The following ZBTB20 variants were observed in gnomAD, a reference collection of about 807,000 sequenced individuals.
ZBTB20 encodes zinc finger and BTB domain-containing protein 20.
Under a neutral mutation model 56.9 loss-of-function variants are expected in ZBTB20, and 9 were observed. The ratio of observed to expected loss-of-function variants is 0.16; its 90% CI spans 0.10 to 0.28. ZBTB20 has a LOEUF of 0.28. ZBTB20 is among the 10% of genes least tolerant of loss of function. ZBTB20 has a pLI of 1.00. For synonymous variants in ZBTB20, 417 were observed against 420.7 expected, an observed-to-expected ratio of 0.99 and a Z score of 0.11; for missense variants, 655 against 1,003.0, an observed-to-expected ratio of 0.65 and a Z score of 4.69.
rs11426311 is a variant in ZBTB20, at chr3:115,084,285, C to CAA, written c.-702-12873_-702-12872dup. Among the ~76,000 whole-genome samples, 1,139 of 119,566 alleles carry CAA rather than the reference C, an allele frequency of 9.5e-3. 18 individuals carry two copies. Among genetic ancestry groups the CAA allele is most frequent in the East Asian group, 0.012 (51 of 4,152 alleles). 78.4% of individuals were successfully genotyped at this position (119,566 alleles called of 152,430 possible). On this transcript the variant is annotated intron_variant, in intron 1 of 11. Transcript: ENST00000675478. ...GCTTACCATACTGCATGAAGAGTGC[C>CAA]AAAAAAAAAAAAAAAAAGACTAGAG...
intron 11 of ZBTB20, among the ~76,000 whole-genome samples, chr3:114,342,267 G>A (rs1013572074): frequency 3.9e-5 from 6 of 152,120 alleles, no homozygotes; most frequent in Non-Finnish European, 5.9e-5. Flanking sequence ...AATGGTTTTA[G>A]ACATTATGCA....
intron 5 of ZBTB20, among the ~76,000 whole-genome samples, chr3:114,719,603 A>G (rs1384017348): frequency 6.6e-6 from 1 of 152,122 alleles, no homozygotes; most frequent in African/African-American, 2.4e-5. Context: ...CTGTCCATCA[A>G]TTCTCTCCCT....
intron 7 of ZBTB20, among the ~76,000 whole-genome samples, chr3:114,500,029 C>T (rs997610408): frequency 1.3e-5 from 2 of 152,164 alleles, no homozygotes; most frequent in Admixed American, 6.5e-5. Context: ...GGAGCAAAAG[C>T]CCAACTGTTG....
chr3:114,545,160 A>G (rs2049721732), intron 6 of ZBTB20, among the ~76,000 whole-genome samples: 1 of 152,188 alleles, frequency 6.6e-6, no homozygotes, highest in Admixed American at 6.5e-5. Context: ...AGTCTAGTCA[A>G]AAAGGAATAT....
chr3:114,772,875 C>A (rs1356852369), intron 5 of ZBTB20, among the ~76,000 whole-genome samples: 1 of 152,128 alleles, frequency 6.6e-6, no homozygotes, highest in African/African-American at 2.4e-5. Flanking sequence ...AGGTTGTTAA[C>A]ACTAAAACAG....
At chr3:115,142,574 G>C (rs946240155) in intron 1 of ZBTB20, among the ~76,000 whole-genome samples, 2 of 150,680 alleles carry the variant, frequency 1.3e-5, no homozygotes, top group African/African-American at 2.4e-5. Flanking sequence ...TGAGGCAGGA[G>C]AATTGCTTGA....
At chr3:114,831,664 TG>T (rs2073851313) in intron 4 of ZBTB20, among the ~76,000 whole-genome samples, 1 of 152,034 alleles carries the variant, frequency 6.6e-6, no homozygotes, top group Admixed American at 6.6e-5. Context: ...TTAACTGCCT[TG>T]GAAAAATATG....
chr3:114,589,594 C>T (rs1010575922), intron 6 of ZBTB20, among the ~76,000 whole-genome samples: 1 of 152,144 alleles, frequency 6.6e-6, no homozygotes, highest in Non-Finnish European at 1.5e-5. Flanking sequence ...GTGAAAGGGC[C>T]TTATAAATAA....
chr3:114,588,537 T>A (rs1287835482), intron 6 of ZBTB20, among the ~76,000 whole-genome samples: 2 of 152,148 alleles, frequency 1.3e-5, no homozygotes, highest in Admixed American at 1.3e-4. Flanking sequence ...TTATGTAAAA[T>A]TTTTTCTTAT....
intron 6 of ZBTB20, among the ~76,000 whole-genome samples, chr3:114,615,377 C>A (rs974046973): frequency 6.6e-6 from 1 of 152,092 alleles, no homozygotes; most frequent in Non-Finnish European, 1.5e-5. Context: ...TAATGCCTTA[C>A]TAAATACCAA....
Position 114,728,508 on chromosome 3 carries a change from G to A in ZBTB20, c.-342-34933C>T, listed in dbSNP as rs548116660. On this transcript the variant is annotated intron_variant, in intron 5 of 11. Transcript: ENST00000675478. ...GTTAACTGCCCAAAGTAAAAAAATG[G>A]AAGAGCTAGAACTTGAATGCAGATA... 3.3e-4 allele frequency among the ~76,000 whole-genome samples: 51 copies of A among 152,290 alleles called. No homozygotes were observed. The Middle Eastern group carries it at 0.024, about 71-fold the overall frequency.
intron 6 of ZBTB20, among the ~76,000 whole-genome samples, chr3:114,516,235 T>C (rs1390870375): frequency 6.6e-6 from 1 of 152,186 alleles, no homozygotes; most frequent in Admixed American, 6.6e-5. Context: ...TTGCTTCATA[T>C]ACAAATCCCT....
At chr3:114,393,576 G>A (rs934279733) in intron 7 of ZBTB20, among the ~76,000 whole-genome samples, 1 of 152,092 alleles carries the variant, frequency 6.6e-6, no homozygotes, top group African/African-American at 2.4e-5. Context: ...ACCACTGCAT[G>A]GTGTGTCATG....
chr3:114,796,356 C>A (rs2071342673), intron 5 of ZBTB20, among the ~76,000 whole-genome samples: 1 of 151,844 alleles, frequency 6.6e-6, no homozygotes, highest in Non-Finnish European at 1.5e-5. Flanking sequence ...GTACATACAA[C>A]CCGGTAGGTG....
chr3:115,111,850 G>A (rs1237102034), intron 1 of ZBTB20, among the ~76,000 whole-genome samples: 1 of 152,102 alleles, frequency 6.6e-6, no homozygotes, highest in African/African-American at 2.4e-5. Context: ...AACAGATGCT[G>A]GCTGTAAATA....
intron 6 of ZBTB20, among the ~76,000 whole-genome samples, chr3:114,557,927 G>C (rs1477934676): frequency 1.3e-5 from 2 of 151,980 alleles, no homozygotes; most frequent in Non-Finnish European, 1.5e-5. Context: ...TCAGTTGGTT[G>C]ACAAGGAATA....
intron 2 of ZBTB20, among the ~76,000 whole-genome samples, chr3:115,063,833 A>C (rs1182793936): frequency 6.6e-6 from 1 of 152,160 alleles, no homozygotes; most frequent in Non-Finnish European, 1.5e-5. Flanking sequence ...ATTTTTATTT[A>C]TAAATTTTAG....
chr3:114,528,439 C>G (rs762134450), intron 6 of ZBTB20, among the ~76,000 whole-genome samples: 4 of 150,580 alleles, frequency 2.7e-5, no homozygotes, highest in Non-Finnish European at 4.4e-5. Flanking sequence ...GGATAAAAAA[C>G]AAAAAAAAAT....
At chr3:114,563,147 C>T (rs1225208405) in intron 6 of ZBTB20, among the ~76,000 whole-genome samples, 2 of 152,136 alleles carry the variant, frequency 1.3e-5, no homozygotes, top group South Asian at 2.1e-4. Context: ...AGGTATGCTT[C>T]TATATCCTAT....
Sources: gnomAD v4.1 joint callset for allele counts (sites outside exome capture counted in the v4.1 genomes callset) on GRCh38, gnomAD v4.1.1 for gene constraint, MANE v1.5 for transcripts, NCBI Gene and HGNC (gene_info 2026-07-23, HGNC 2026-07-21) for gene names.